The following TUBA3E variants were observed in gnomAD, a reference collection of about 807,000 sequenced individuals.
TUBA3E encodes the protein tubulin alpha-3E chain.
TUBA3E carries 21 observed loss-of-function variants against 36.7 expected under a neutral mutation model. The ratio of observed to expected loss-of-function variants is 0.57; its 90% CI spans 0.41 to 0.83. The LOEUF is 0.83. Ranked by LOEUF, TUBA3E falls within the 40% of genes least tolerant of loss-of-function variation. The pLI is 0.00. For synonymous variants in TUBA3E, 177 were observed against 241.9 expected, an observed-to-expected ratio of 0.73 and a Z score of 2.49; for missense variants, 469 against 604.2, an observed-to-expected ratio of 0.78 and a Z score of 2.35.
rs777040692 is a variant in TUBA3E, at chr2:130,194,273, G to T, written c.569C>A (p.Thr190Asn). Reference protein sequence around the residue: ...AVVEPYNSILTTHTTLEHSDC... With the variant: ...AVVEPYNSILNTHTTLEHSDC... ...AGAATGTTCCAGGGTCGTGTGGGTGGTTAGGATGGAGTTGTAGGGCTCCAC... is the reference window on the plus strand; with the variant it reads ...AGAATGTTCCAGGGTCGTGTGGGTGTTTAGGATGGAGTTGTAGGGCTCCAC... Residue 190 changes from threonine (T) to asparagine (N), a missense_variant, in exon 4 of 5, where the codon ACC becomes AAC. Around this residue, in one of 3 missense-constraint regions of TUBA3E, gnomAD observed 4 missense variants for 18.2 expected, o/e 0.22. Coordinates refer to ENST00000312988, the MANE Select transcript of TUBA3E (RefSeq NM_207312.3). The T allele has an allele frequency of 3.9e-6, 6 of 1,547,528 alleles. 1 individual carries two copies. Among genetic ancestry groups the T allele is most frequent in the Non-Finnish European group, 5.3e-6 (6 of 1,127,154 alleles).
chr2:130,192,196 C>T (rs1308119853), intron 4 of TUBA3E, 69 bp from the exon 5 acceptor site: 8 of 1,541,936 alleles, frequency 5.2e-6, no homozygotes, highest in African/African-American at 2.7e-5. Flanking sequence ...GCTACTTCTC[C>T]TCAAACAGAA....
Position 130,194,564 on chromosome 2 carries a change from T to C in TUBA3E, c.376-98A>G, listed in dbSNP as rs1031539124. 11 of 1,276,644 alleles carry C rather than the reference T, an allele frequency of 8.6e-6. No individual in the cohort carries two copies. In the African/African-American group the frequency reaches 1.6e-4, roughly 19 times the overall value. 79.1% of individuals were successfully genotyped at this position (1,276,644 alleles called of 1,614,324 possible). On this transcript the variant is annotated intron_variant, in intron 3 of 4. Coordinates refer to ENST00000312988, the MANE Select transcript of TUBA3E (RefSeq NM_207312.3). ...CTTCTCTTTGCCTCTAAAGAGTTGA[T>C]ATGGATTCAAATCATCCATAATAAA... is the stretch of plus-strand genomic sequence containing the variant.
intron 1 of TUBA3E, among the ~76,000 whole-genome samples, chr2:130,196,772 C>T (rs1422186122): frequency 2.0e-5 from 3 of 152,190 alleles, no homozygotes; most frequent in African/African-American, 7.2e-5. Flanking sequence ...GAGTAGGTCC[C>T]AGGTCACCAT....
intron 2 of TUBA3E, among the ~76,000 whole-genome samples, chr2:130,195,452 A>G (rs1383383286): frequency 3.3e-5 from 5 of 152,234 alleles, no homozygotes; most frequent in African/African-American, 1.2e-4. Context: ...TGTGGTATAA[A>G]TGTCAGCACG....
intron 2 of TUBA3E, 102 bp downstream of exon 2, chr2:130,196,047 T>G: frequency 2.2e-6 from 3 of 1,353,116 alleles, no homozygotes; most frequent in Non-Finnish European, 3.0e-6. Context: ...TGCCTGTCTA[T>G]CCCATCCTTT....
At chr2:130,197,629 G>C (rs1690444862) in intron 1 of TUBA3E, among the ~76,000 whole-genome samples, 1 of 127,104 alleles carries the variant, frequency 7.9e-6, no homozygotes, top group African/African-American at 2.7e-5. Context: ...TTGGTTTTTT[G>C]AGGCAGGGTC....
Position 130,191,863 on chromosome 2 carries a change from C to T in TUBA3E, c.1321G>A (p.Glu441Lys). 6.2e-7 allele frequency: 1 copy of T among 1,612,358 alleles called. No individual in the cohort carries two copies. The highest frequency in any genetic ancestry group is 8.5e-7 in the Non-Finnish European group (1 of 1,179,098). ...GCTTCGCCTTCTTCAGCCTCAGCTTCCACGGAATCCACGCCCACCTCTTCA... is the reference window on the plus strand; with the variant it reads ...GCTTCGCCTTCTTCAGCCTCAGCTTTCACGGAATCCACGCCCACCTCTTCA... ...DCEEVGVDSV[E>K]AEAEEGEAY The change falls in exon 5 of 5, where the codon GAA (glutamate) becomes AAA (lysine). Residue 441 changes from glutamate to lysine, a missense_variant. Coordinates refer to ENST00000312988, the MANE Select transcript of TUBA3E (RefSeq NM_207312.3).
chr2:130,196,465 G>T (rs1342595999), intron 1 of TUBA3E, 94 bp from the exon 2 acceptor site: 3 of 1,502,076 alleles, frequency 2.0e-6, no homozygotes, highest in African/African-American at 2.8e-5. Flanking sequence ...TTTATATAGT[G>T]CTTCAGTATC....
Position 130,195,213 on chromosome 2 carries a change from C to G in TUBA3E, c.241G>C (p.Gly81Arg), listed in dbSNP as rs780009932. ...GGGTGGAAGAGCTGCCTGTAGGTCC[C>G]TGTGCGCACTTCATCTGCAAAAGAG... ...EPTVVDEVRT[G>R]TYRQLFHPEQ... is the part of the protein sequence containing the mutation. Residue 81 changes from glycine (G) to arginine (R), a missense_variant, in exon 3 of 5, where the codon GGG (glycine) becomes CGG (arginine). Coordinates refer to ENST00000312988, the MANE Select transcript of TUBA3E (RefSeq NM_207312.3). The G allele has an allele frequency of 6.2e-7, 1 of 1,613,948 alleles. No homozygotes were observed. The highest frequency in any genetic ancestry group is 8.5e-7 in the Non-Finnish European group (1 of 1,179,912).
intron 4 of TUBA3E, among the ~76,000 whole-genome samples, chr2:130,192,764 G>C (rs1232032595): frequency 1.3e-5 from 2 of 152,160 alleles, no homozygotes; most frequent in African/African-American, 2.4e-5. Context: ...CAGTGCACAG[G>C]GTCAACTAGA....
Position 130,196,324 on chromosome 2 carries a change from G to A in TUBA3E, c.51C>T (p.Gly17=). The A allele has an allele frequency of 1.2e-6, 2 of 1,614,158 alleles. No individual in the cohort carries two copies. Among genetic ancestry groups the A allele is most frequent in the Admixed American group, 1.7e-5 (1 of 60,032 alleles). Residue 17 remains glycine, a synonymous_variant, in exon 2 of 5, where the codon GGC becomes GGT. Coordinates refer to ENST00000312988, the MANE Select transcript of TUBA3E (RefSeq NM_207312.3). Reference sequence around the variant, plus strand: ...GGCAGTACAGTTCCCAGCAGGCATTGCCGATCTGGACACCCGCCTGCCCCA... The same window carrying A: ...GGCAGTACAGTTCCCAGCAGGCATTACCGATCTGGACACCCGCCTGCCCCA... ...IHVGQAGVQI[G]NACWELYCLE...
rs748204608 is a variant in TUBA3E at position 130,194,390 on chromosome 2, G to A, written c.452C>T (p.Ser151Phe). 9 of 1,612,900 alleles carry A rather than the reference G, an allele frequency of 5.6e-6. No homozygotes were observed. The highest frequency in any genetic ancestry group is 6.8e-6 in the Non-Finnish European group (8 of 1,179,744). ...FGGGTGSGFA[S>F]LLMERLSVDY... ...CACTGAGAGCCGCTCCATGAGCAGA[G>A]ATGCGAACCCAGAGCCAGTGCCGCC... The change falls in exon 4 of 5, where the codon TCT becomes TTT. Residue 151 changes from serine to phenylalanine, a missense_variant. This residue lies in a region of TUBA3E where 169 missense variants were observed against 239.0 expected (regional missense o/e 0.71). Transcript: ENST00000312988.
Position 130,196,135 on chromosome 2 carries a change from G to T in TUBA3E, c.226+14C>A. The stretch of plus-strand genomic sequence containing the variant: ...CCTCTCAGGAAAGCTGCCATCCAGT[G>T]CCCAGGCACCTACCGACCACAGTGG... On this transcript the variant is annotated intron_variant, in intron 2 of 4. Coordinates refer to ENST00000312988, the MANE Select transcript of TUBA3E (RefSeq NM_207312.3). 1.9e-6 allele frequency: 3 copies of T among 1,605,930 alleles called. No individual in the cohort carries two copies. Among genetic ancestry groups the T allele is most frequent in the African/African-American group, 2.7e-5 (2 of 74,950 alleles).
rs142136975 is a variant in TUBA3E, at chr2:130,193,924, G to C, written c.918C>G (p.Asp306Glu). 2 of 1,614,246 alleles carry C rather than the reference G, an allele frequency of 1.2e-6. No individual in the cohort carries two copies. Among genetic ancestry groups the C allele is most frequent in the South Asian group, 2.2e-5 (2 of 91,088 alleles). The change falls in exon 4 of 5, where the codon GAC becomes GAG. Residue 306 changes from aspartate to glutamate, a missense_variant. Transcript: ENST00000312988. Reference sequence around the variant, plus strand: ...AGGCCATGTACTTGCCATGGCGAGGGTCACACTTGACCATCTGATTGGCTG... The same window carrying C: ...AGGCCATGTACTTGCCATGGCGAGGCTCACACTTGACCATCTGATTGGCTG... ...FEPANQMVKC[D>E]PRHGKYMACC...
rs373548775 is a variant in TUBA3E, at chr2:130,194,064, C to G, written c.778G>C (p.Val260Leu). ...GGGAAGTGGATGCGGGGGTACGGCA[C>G]GAGGTTGGTCTGGAATTCCGTCAAG... ...VDLTEFQTNL[V>L]PYPRIHFPLA... The change falls in exon 4 of 5, where the codon GTG becomes CTG. Residue 260 changes from valine (V) to leucine (L), a missense_variant. Val to Leu is a conservative substitution (Grantham distance 32, BLOSUM62 1). This residue lies in a region of TUBA3E where 296 missense variants were observed against 346.9 expected (regional missense o/e 0.85). Transcript: ENST00000312988. The G allele has an allele frequency of 3.7e-6, 6 of 1,614,144 alleles. No homozygotes were observed. In the East Asian group the frequency reaches 1.3e-4, roughly 36 times the overall value.
At chr2:130,193,037 G>A (rs1690305141) in intron 4 of TUBA3E, among the ~76,000 whole-genome samples, 1 of 150,620 alleles carries the variant, frequency 6.6e-6, no homozygotes, top group Admixed American at 6.6e-5. Flanking sequence ...AGGTTGCAGT[G>A]AGTCAAGATC....
chr2:130,194,388 G>A lies in TUBA3E; in HGVS notation c.454C>T (p.Leu152=). 1 of 1,613,138 alleles carries A rather than the reference G, an allele frequency of 6.2e-7. No individual in the cohort carries two copies. Reference sequence around the variant, plus strand: ...TCCACTGAGAGCCGCTCCATGAGCAGAGATGCGAACCCAGAGCCAGTGCCG... The same window carrying A: ...TCCACTGAGAGCCGCTCCATGAGCAAAGATGCGAACCCAGAGCCAGTGCCG... The part of the protein sequence containing the change: ...GGGTGSGFAS[L]LMERLSVDYS... Residue 152 remains leucine, a synonymous_variant, in exon 4 of 5, where the codon CTG becomes TTG. Transcript: ENST00000312988.
chr2:130,194,565 A>G (rs1690358689), intron 3 of TUBA3E, 99 bp from the exon 4 acceptor site: 1 of 1,258,456 alleles, frequency 7.9e-7, no homozygotes, highest in East Asian at 2.5e-5. Context: ...AAGAGTTGAT[A>G]TGGATTCAAA....
rs1318753336 is a variant in TUBA3E at position 130,196,352 on chromosome 2, T to C, written c.23A>G (p.His8Arg). 17 of 1,613,664 alleles carry C rather than the reference T, an allele frequency of 1.1e-5. No individual in the cohort carries two copies. Among genetic ancestry groups the C allele is most frequent in the Non-Finnish European group, 1.4e-5 (16 of 1,179,816 alleles). Residue 8 changes from histidine (H) to arginine (R), a missense_variant, in exon 2 of 5, where the codon CAC (histidine) becomes CGC (arginine). Physicochemically the swap from His to Arg is conservative, Grantham distance 29 (BLOSUM62 0). Coordinates refer to ENST00000312988, the MANE Select transcript of TUBA3E (RefSeq NM_207312.3). MRECISIHVGQAGVQIGN... is the reference protein window; with the variant it reads MRECISIRVGQAGVQIGN... ...GATCTGGACACCCGCCTGCCCCACG[T>C]GGATAGAGATACACTCGCGCTGTGA...
Sources: allele counts gnomAD v4.1 joint callset (sites outside exome capture counted in the v4.1 genomes callset), GRCh38; gene constraint gnomAD v4.1.1; regional missense constraint gnomAD v4.1.1; transcripts MANE v1.5; gene names NCBI Gene and HGNC (gene_info 2026-07-23, HGNC 2026-07-21).